RANBP2: variants seen among roughly 807,000 people sequenced by gnomAD.
The protein encoded by RANBP2 is E3 SUMO-protein ligase RanBP2.
A neutral mutation model predicts 303.6 loss-of-function variants in RANBP2; 57 were observed. That is an observed-to-expected ratio of 0.19 (90% CI 0.15 to 0.23). The LOEUF is 0.23. RANBP2 is among the 10% of genes least tolerant of loss of function. The probability of loss-of-function intolerance (pLI) is 1.00; values close to 1 mark genes in which losing one functional copy is unlikely to be tolerated. For missense variants in RANBP2, 3,138 were observed against 3,780.8 expected (o/e 0.83, Z 4.46); for synonymous variants, 1,167 against 1,301.5 (o/e 0.90, Z 2.23).
chr2:109,441,132 C>CAAAAAAAAAAAAA, the RANBP2 span, among the ~76,000 whole-genome samples: 223 of 133,934 alleles, frequency 1.7e-3, 1 homozygote, highest in African/African-American at 6.1e-3. Context: ...TATAGGAATA[C>CAAAAAAAAAAAAA]AAAAAAAAAA....
chr2:109,610,593 G>C, the RANBP2 span, among the ~76,000 whole-genome samples: 1 of 152,218 alleles, frequency 6.6e-6, no homozygotes, highest in African/African-American at 2.4e-5. Flanking sequence ...GCACATGCCT[G>C]TAATCCCAAC....
At chr2:109,032,598 G>GT in the RANBP2 span, among the ~76,000 whole-genome samples, 1 of 152,032 alleles carries the variant, frequency 6.6e-6, no homozygotes, top group African/African-American at 2.4e-5. Flanking sequence ...GGGTGGGGTG[G>GT]GGGAGTCTTT....
the RANBP2 span, among the ~76,000 whole-genome samples, chr2:109,219,831 G>C: frequency 6.6e-6 from 1 of 152,312 alleles, no homozygotes; most frequent in East Asian, 1.9e-4. Context: ...ACTTAATATT[G>C]TTGAGATGAC....
the RANBP2 span, among the ~76,000 whole-genome samples, chr2:109,371,118 G>C: frequency 1.5e-4 from 23 of 152,206 alleles, no homozygotes; most frequent in Non-Finnish European, 3.1e-4. Flanking sequence ...GCTGGGTTCG[G>C]TGGCTCACAC....
At chr2:109,147,341 G>A in the RANBP2 span, among the ~76,000 whole-genome samples, 10 of 152,312 alleles carry the variant, frequency 6.6e-5, no homozygotes, top group African/African-American at 1.9e-4. Flanking sequence ...TTTTGTGGAC[G>A]AGACTATCTC....
the RANBP2 span, among the ~76,000 whole-genome samples, chr2:109,699,842 C>T: frequency 6.6e-6 from 1 of 152,190 alleles, no homozygotes; most frequent in Non-Finnish European, 1.5e-5. Flanking sequence ...GAGGGCTCTT[C>T]AGCTTCTCGC....
At chr2:109,085,762 G>A in the RANBP2 span, among the ~76,000 whole-genome samples, 6 of 151,966 alleles carry the variant, frequency 3.9e-5, no homozygotes, top group Admixed American at 3.9e-4. Flanking sequence ...CACCACGCCT[G>A]GCTAATTTTT....
chr2:108,724,078 C>G (rs1197382146), intron 1 of RANBP2, among the ~76,000 whole-genome samples: 2 of 152,140 alleles, frequency 1.3e-5, no homozygotes, highest in African/African-American at 4.8e-5. Context: ...TTTCTTGTAT[C>G]TCATGTCCTC....
At chr2:109,614,243 G>T in the RANBP2 span, 4 of 786,756 alleles carry the variant, frequency 5.1e-6, no homozygotes, top group African/African-American at 7.3e-5. Flanking sequence ...AGGTAGGTGT[G>T]GCCGAGACAG....
the RANBP2 span, among the ~76,000 whole-genome samples, chr2:109,215,616 C>T: frequency 3.3e-5 from 5 of 152,192 alleles, 1 homozygote; most frequent in South Asian, 4.2e-4. Flanking sequence ...AGTTCTTCCT[C>T]GGTGACTCTG....
chr2:109,740,217 G>C, the RANBP2 span, among the ~76,000 whole-genome samples: 1 of 151,722 alleles, frequency 6.6e-6, no homozygotes, highest in Non-Finnish European at 1.5e-5. Flanking sequence ...TCAATCTCTT[G>C]ACCTCATGAT....
chr2:109,435,172 G>T, the RANBP2 span, among the ~76,000 whole-genome samples: 1 of 152,218 alleles, frequency 6.6e-6, no homozygotes, highest in African/African-American at 2.4e-5. Flanking sequence ...AGAAGGAACT[G>T]CGCCCGGGTC....
At chr2:108,805,038 T>G in the RANBP2 span, 16 of 1,147,210 alleles carry the variant, frequency 1.4e-5, no homozygotes, top group East Asian at 2.8e-5. Context: ...ATACTGAACA[T>G]AAGACATTCT....
chr2:109,452,954 G>T, the RANBP2 span, among the ~76,000 whole-genome samples: 2 of 149,046 alleles, frequency 1.3e-5, no homozygotes, highest in Admixed American at 1.3e-4. Context: ...CCGGGAGGCT[G>T]GTCCCTGGGA....
the RANBP2 span, among the ~76,000 whole-genome samples, chr2:108,930,607 G>A: frequency 1.2e-4 from 19 of 152,114 alleles, no homozygotes; most frequent in Admixed American, 1.0e-3. Flanking sequence ...GAACACCGGC[G>A]TGTCCAGGAG....
At chr2:109,206,798 AAGAG>A in the RANBP2 span, among the ~76,000 whole-genome samples, 3 of 152,212 alleles carry the variant, frequency 2.0e-5, no homozygotes, top group Non-Finnish European at 2.9e-5. Context: ...CCTGGGTGAC[AAGAG>A]AGAGACACTA....
intron 21 of RANBP2, 44 bp from the exon 22 acceptor site, chr2:108,772,445 C>A: frequency 6.5e-7 from 1 of 1,547,100 alleles, no homozygotes; most frequent in Non-Finnish European, 8.9e-7. Context: ...AAGGAAAACC[C>A]CCCAAAATTA....
the RANBP2 span, chr2:108,884,716 G>A: frequency 1.3e-5 from 2 of 152,142 alleles, no homozygotes; most frequent in Non-Finnish European, 2.9e-5. Context: ...TGTCCTCCCG[G>A]ATAGGACTCT....
At chr2:109,565,252 G>T in the RANBP2 span, among the ~76,000 whole-genome samples, 12 of 152,032 alleles carry the variant, frequency 7.9e-5, no homozygotes, top group African/African-American at 2.2e-4. Flanking sequence ...ACTAGTAAGG[G>T]TAATCTATTC....
Sources: gnomAD v4.1 joint callset for allele counts (sites outside exome capture counted in the v4.1 genomes callset) on GRCh38, gnomAD v4.1.1 for gene constraint, MANE v1.5 for transcripts, NCBI Gene and HGNC (gene_info 2026-07-23, HGNC 2026-07-21) for gene names.